Variants in NPTN observed in about 807,000 individuals in gnomAD.
NPTN encodes SDR-1.
NPTN carries 5 observed loss-of-function variants against 42.7 expected under a neutral mutation model. That is an observed-to-expected ratio of 0.12 (90% CI 0.06 to 0.25). The LOEUF is 0.25. Among genes scored for constraint, NPTN ranks in the 10% least tolerant of loss-of-function variants. NPTN has a pLI of 1.00. For missense variants in NPTN, 307 were observed against 525.4 expected (o/e 0.58, Z 4.06); for synonymous variants, 180 against 201.9 (o/e 0.89, Z 0.92).
In NPTN at chr15:73,560,649, C is replaced by G. The variant is rs1329612504; in HGVS notation, c.*414G>C. 1 of 149,172 alleles carries G rather than the reference C, an allele frequency of 6.7e-6. No homozygotes were observed. Among genetic ancestry groups the G allele is most frequent in the Admixed American group, 6.7e-5 (1 of 14,916 alleles). 9.2% of individuals were successfully genotyped at this position (149,172 alleles called of 1,614,324 possible). A position where few individuals can be genotyped will look rare whatever the true frequency, so the allele number is the denominator to read the frequency against. On this transcript the variant is annotated 3_prime_UTR_variant, in exon 9 of 9. Transcript: ENST00000345330. ...ATATATATATATATATATTTATATACTGTATATATCTGTAGGTTTTGCTGT... is the reference window on the plus strand; with the variant it reads ...ATATATATATATATATATTTATATAGTGTATATATCTGTAGGTTTTGCTGT...
chr15:73,561,371 T>C (rs1894653193), intron 8 of NPTN, among the ~76,000 whole-genome samples: 1 of 152,206 alleles, frequency 6.6e-6, no homozygotes, highest in African/African-American at 2.4e-5. Context: ...GGCATTTATA[T>C]AAACATGTGA....
rs144925183 is a variant in NPTN, at chr15:73,589,035, T to G, written c.612-1417A>C. On this transcript the variant is annotated intron_variant, in intron 3 of 8. Transcript: ENST00000345330. ...TTAAGCAGAGTGACAGGAAGGACTG[T>G]AAGAAGAGTGTATGGGTCAGGCGTG... Among the ~76,000 whole-genome samples the G allele has an allele frequency of 2.3e-3, 351 of 152,186 alleles. 2 individuals carry two copies. The highest frequency in any genetic ancestry group is 3.6e-3 in the Non-Finnish European group (246 of 68,010).
chr15:73,565,953 T>C (rs1242885866), intron 6 of NPTN, among the ~76,000 whole-genome samples: 1 of 152,230 alleles, frequency 6.6e-6, no homozygotes, highest in Non-Finnish European at 1.5e-5. Context: ...GTCCGAATAA[T>C]GAAGAGTTGA....
At chr15:73,631,586 C>T (rs974029953) in intron 1 of NPTN, among the ~76,000 whole-genome samples, 3 of 152,180 alleles carry the variant, frequency 2.0e-5, no homozygotes, top group African/African-American at 7.2e-5. Context: ...CAAAAAACTC[C>T]ACTGGCTCTA....
Position 73,570,390 on chromosome 15 carries a change from T to C in NPTN, c.874A>G (p.Ile292Val), listed in dbSNP as rs372732045. 4 of 1,613,446 alleles carry C rather than the reference T, an allele frequency of 2.5e-6. No individual in the cohort carries two copies. Among genetic ancestry groups the C allele is most frequent in the Non-Finnish European group, 2.5e-6 (3 of 1,179,958 alleles). Residue 292 changes from isoleucine to valine, a missense_variant, in exon 6 of 9, where the codon ATC becomes GTC. By Grantham distance (29) the Ile-to-Val change is conservative. Transcript: ENST00000345330. This position sits in a 1 kb window ranked among gnomAD's most constrained non-coding sequence, Gnocchi z 4.0. ...IVNTSGRFFI[I>V]NKENYTELNI... ...AACTCAGTGTAATTTTCCTTGTTGATGATGAAGAAGCGGCCAGAGGTATTG... is the reference window on the plus strand; with the variant it reads ...AACTCAGTGTAATTTTCCTTGTTGACGATGAAGAAGCGGCCAGAGGTATTG...
At chr15:73,622,390 A>T (rs1026928732) in intron 1 of NPTN, among the ~76,000 whole-genome samples, 4 of 152,228 alleles carry the variant, frequency 2.6e-5, no homozygotes, top group East Asian at 1.9e-4. Flanking sequence ...AAATATGGAA[A>T]AGGGCAATCC....
At chr15:73,626,412 T>A (rs1898411904) in intron 1 of NPTN, among the ~76,000 whole-genome samples, 1 of 152,250 alleles carries the variant, frequency 6.6e-6, no homozygotes, top group Non-Finnish European at 1.5e-5. Context: ...AAAAGTAAGT[T>A]TCTAAAAACT....
At chr15:73,632,786 C>A (rs1185403713) in intron 1 of NPTN, 8 of 256,666 alleles carry the variant, frequency 3.1e-5, no homozygotes. Flanking sequence ...AAGAGCTGCG[C>A]CCCCTCCTCA....
intron 1 of NPTN, among the ~76,000 whole-genome samples, chr15:73,631,947 A>C (rs1273833851): frequency 6.6e-6 from 1 of 152,026 alleles, no homozygotes. Context: ...AAACCCAGTA[A>C]TTCTCTGCTT....
intron 7 of NPTN, among the ~76,000 whole-genome samples, chr15:73,562,208 A>G (rs1460167689): frequency 1.3e-5 from 2 of 152,184 alleles, no homozygotes; most frequent in Non-Finnish European, 2.9e-5. Context: ...AGATTTTGGA[A>G]TATCTGCATT....
intron 6 of NPTN, among the ~76,000 whole-genome samples, chr15:73,566,543 C>A (rs1433807479): frequency 1.3e-5 from 2 of 152,210 alleles, no homozygotes; most frequent in African/African-American, 4.8e-5. Flanking sequence ...TCCAGAAGAA[C>A]TGCAGGCCTC....
At chr15:73,589,957 T>C (rs1667844359) in intron 3 of NPTN, among the ~76,000 whole-genome samples, 1 of 151,768 alleles carries the variant, frequency 6.6e-6, no homozygotes, top group Non-Finnish European at 1.5e-5. Context: ...GGGCTTAAAC[T>C]GAAGTTCTTT....
intron 4 of NPTN, among the ~76,000 whole-genome samples, chr15:73,574,515 G>C (rs1278390232): frequency 6.6e-6 from 1 of 152,170 alleles, no homozygotes; most frequent in African/African-American, 2.4e-5. Context: ...CAAGCTCCTG[G>C]GCTTAAGTGA....
At chr15:73,610,793 A>G (rs1196432519) in intron 1 of NPTN, among the ~76,000 whole-genome samples, 1 of 152,222 alleles carries the variant, frequency 6.6e-6, no homozygotes, top group Non-Finnish European at 1.5e-5. Context: ...TGTAAAGATT[A>G]AACAAATATG....
At chr15:73,608,553 T>G (rs1897398308) in intron 1 of NPTN, among the ~76,000 whole-genome samples, 1 of 152,196 alleles carries the variant, frequency 6.6e-6, no homozygotes, top group Non-Finnish European at 1.5e-5. Context: ...TAAGTGCTCA[T>G]GCTATTCAGA....
chr15:73,620,312 G>A (rs1280602369), intron 1 of NPTN, among the ~76,000 whole-genome samples: 1 of 152,188 alleles, frequency 6.6e-6, no homozygotes, highest in Non-Finnish European at 1.5e-5. Flanking sequence ...AAGGCATGTG[G>A]CTTTGACTAC....
chr15:73,598,774 GAAAT>G (rs1439879432), intron 1 of NPTN, among the ~76,000 whole-genome samples: 2 of 152,192 alleles, frequency 1.3e-5, no homozygotes, highest in Non-Finnish European at 2.9e-5. Context: ...AGGAAAGGAT[GAAAT>G]AAATGGAACT....
Position 73,570,265 on chromosome 15 carries a change from C to T in NPTN, c.999G>A (p.Val333=), listed in dbSNP as rs35100473. The T allele has an allele frequency of 1.9e-3, 3,067 of 1,614,216 alleles. 54 individuals carry two copies. In the African/African-American group the frequency reaches 0.035, roughly 19 times the overall value. The change falls in exon 6 of 9, where the codon GTG becomes GTA. Residue 333 remains valine (V), a synonymous_variant. Transcript: ENST00000345330. This position sits in a 1 kb window ranked among gnomAD's most constrained non-coding sequence, Gnocchi z 4.0. ...GSASVVTVLR[V]RSHLAPLWPF... is the part of the protein sequence containing the mutation. ...GCCAGAGTGGGGCCAGGTGGCTCCG[C>T]ACCCTGAGGACAGTGACAACAGAGG...
Position 73,561,916 on chromosome 15 carries a change from T to C in NPTN, c.1191A>G (p.Thr397=), listed in dbSNP as rs149185774. Reference sequence around the variant, plus strand: ...CTTACATTGTAAGCAGTACTTAATTTGTGTTTCTCTGGCGCAAGTTTTTAT... The same window carrying C: ...CTTACATTGTAAGCAGTACTTAATTCGTGTTTCTCTGGCGCAAGTTTTTAT... ...HKDKNLRQRN[T]N The change falls in exon 8 of 9, where the codon ACA becomes ACG. Residue 397 remains threonine (T), a synonymous_variant. Coordinates refer to ENST00000345330, the MANE Select transcript of NPTN (RefSeq NM_012428.4). 3.7e-4 allele frequency: 586 copies of C among 1,596,562 alleles called. 1 individual carries two copies. Among genetic ancestry groups the C allele is most frequent in the Non-Finnish European group, 4.8e-4 (559 of 1,175,394 alleles).
Sources: gnomAD v4.1 joint callset for allele counts (sites outside exome capture counted in the v4.1 genomes callset) on GRCh38, gnomAD v4.1.1 for gene constraint, Gnocchi (gnomAD v3.1) non-coding constraint, MANE v1.5 for transcripts, NCBI Gene and HGNC (gene_info 2026-07-23, HGNC 2026-07-21) for gene names.